Variants in PDE11A observed in about 807,000 individuals in gnomAD.
PDE11A encodes the protein phosphodiesterase 11A.
In PDE11A, 100 loss-of-function variants were observed where a neutral mutation model predicts 100.5. The ratio of observed to expected loss-of-function variants is 1.00; its 90% CI spans 0.85 to 1.18. The LOEUF (loss-of-function observed/expected upper bound fraction) is 1.18, where lower values mean the gene tolerates loss of function less well. Among genes scored for constraint, PDE11A ranks in the 50% most tolerant of loss-of-function variants. The pLI is 0.00. For missense variants in PDE11A, 1,141 were observed against 1,152.6 expected (o/e 0.99, Z 0.15); for synonymous variants, 381 against 420.8 (o/e 0.91, Z 1.16).
At chr2:177,887,450 G>T (rs551537568) in intron 4 of PDE11A, among the ~76,000 whole-genome samples, 1 of 49,962 alleles carries the variant, frequency 2.0e-5, no homozygotes, top group Non-Finnish European at 4.0e-5. Flanking sequence ...TGGACAAGCC[G>T]TTAAAAAAGA....
intron 12 of PDE11A, among the ~76,000 whole-genome samples, chr2:177,717,788 A>T (rs1234209710): frequency 1.3e-5 from 2 of 152,204 alleles, no homozygotes; most frequent in East Asian, 3.8e-4. Flanking sequence ...CTAGAACTCC[A>T]AAAGACCCAA....
At chr2:177,809,582 CCTTTCAT>C (rs1008421669) in intron 9 of PDE11A, among the ~76,000 whole-genome samples, 40 of 141,342 alleles carry the variant, frequency 2.8e-4, no homozygotes, top group African/African-American at 8.8e-4. Context: ...AAGACTTTGC[CCTTTCAT>C]CCTACCTCCC....
intron 1 of PDE11A, among the ~76,000 whole-genome samples, chr2:178,043,112 T>C (rs1157699728): frequency 1.3e-5 from 2 of 152,208 alleles, no homozygotes; most frequent in African/African-American, 2.4e-5. Context: ...CAGTCTTATA[T>C]ACTATTATAT....
intron 2 of PDE11A, among the ~76,000 whole-genome samples, chr2:177,979,799 A>G (rs961109673): frequency 4.7e-5 from 7 of 148,964 alleles, no homozygotes; most frequent in Admixed American, 2.0e-4. Context: ...TTTAGTAGAG[A>G]CGGGGTTTCA....
intron 2 of PDE11A, among the ~76,000 whole-genome samples, chr2:177,946,102 G>C (rs1402146173): frequency 1.0e-5 from 1 of 99,030 alleles, no homozygotes; most frequent in African/African-American, 4.4e-5. Flanking sequence ...GATGGAGGTG[G>C]GGGGGGGTCA....
chr2:177,943,261 G>A (rs763490335), intron 2 of PDE11A, among the ~76,000 whole-genome samples: 24 of 152,084 alleles, frequency 1.6e-4, no homozygotes, highest in Non-Finnish European at 2.4e-4. Context: ...TGGATTATAC[G>A]GTAGTTCTAC....
intron 19 of PDE11A, among the ~76,000 whole-genome samples, chr2:177,653,821 T>G (rs1375645317): frequency 6.6e-6 from 1 of 152,194 alleles, no homozygotes; most frequent in East Asian, 1.9e-4. Context: ...AGCCACCCAG[T>G]TTGCTGTACT....
intron 5 of PDE11A, among the ~76,000 whole-genome samples, chr2:177,859,757 A>AT (rs1052916033): frequency 1.3e-4 from 20 of 151,976 alleles, no homozygotes; most frequent in Non-Finnish European, 2.4e-4. Flanking sequence ...GGCTCATATG[A>AT]TAAAAAAAAA....
chr2:177,850,249 A>T (rs1238924981), intron 5 of PDE11A, among the ~76,000 whole-genome samples: 1 of 152,202 alleles, frequency 6.6e-6, no homozygotes, highest in East Asian at 1.9e-4. Context: ...CAACTATCTG[A>T]TCTTTGACAA....
At chr2:177,639,115 C>T (rs544555843) in intron 19 of PDE11A, among the ~76,000 whole-genome samples, 7 of 152,326 alleles carry the variant, frequency 4.6e-5, no homozygotes, top group Admixed American at 2.6e-4. Flanking sequence ...CTGCCTGTGC[C>T]GTGGCCTAGA....
rs34383497 is a variant in PDE11A, at chr2:177,877,170, C to CT, written c.1303-1248dup. On this transcript the variant is annotated intron_variant, in intron 4 of 19. Transcript: ENST00000286063. Reference sequence around the variant, plus strand: ...GAACTTCACTGCAAACAAAGGTTATCTTTTTTTTTTTTTGGACAGGTTCTC... The same window carrying CT: ...GAACTTCACTGCAAACAAAGGTTATCTTTTTTTTTTTTTTGGACAGGTTCTC... Among the ~76,000 whole-genome samples the CT allele has an allele frequency of 2.0e-3, 274 of 138,378 alleles. 13 individuals are homozygous for CT. The highest frequency in any genetic ancestry group is 3.5e-3 in the African/African-American group (124 of 35,852). The allele number at this position is 138,378 out of a possible 152,430, so 90.8% of individuals were successfully genotyped here.
intron 2 of PDE11A, among the ~76,000 whole-genome samples, chr2:177,947,496 C>T (rs1169541523): frequency 6.6e-6 from 1 of 152,192 alleles, no homozygotes; most frequent in Non-Finnish European, 1.5e-5. Context: ...GAAACATGTG[C>T]TGTGTCCACT....
chr2:177,969,638 G>C (rs1030502840), intron 2 of PDE11A, among the ~76,000 whole-genome samples: 10 of 151,462 alleles, frequency 6.6e-5, no homozygotes, highest in Non-Finnish European at 1.0e-4. Context: ...AAGTAAGTAA[G>C]CCTCTCCCTA....
chr2:177,681,294 G>C (rs1387038266), intron 15 of PDE11A, among the ~76,000 whole-genome samples: 1 of 152,178 alleles, frequency 6.6e-6, no homozygotes, highest in African/African-American at 2.4e-5. Flanking sequence ...ACAAAGAATT[G>C]AGCTGCATGA....
intron 10 of PDE11A, among the ~76,000 whole-genome samples, chr2:177,758,144 A>AC (rs1160476545): frequency 7.9e-5 from 12 of 151,572 alleles, no homozygotes; most frequent in Non-Finnish European, 1.6e-4. Context: ...AAAAAAAAAA[A>AC]AAATTAGCCA....
intron 9 of PDE11A, among the ~76,000 whole-genome samples, chr2:177,789,271 G>C (rs2082591493): frequency 6.6e-6 from 1 of 152,044 alleles, no homozygotes; most frequent in African/African-American, 2.4e-5. Context: ...CATATAAACA[G>C]AACCAAAGAC....
At chr2:177,736,662 C>T (rs1018429133) in intron 10 of PDE11A, among the ~76,000 whole-genome samples, 2 of 152,140 alleles carry the variant, frequency 1.3e-5, no homozygotes, top group East Asian at 3.9e-4. Context: ...AGTGGATGCA[C>T]CTAGCAAAGG....
chr2:177,861,765 A>G (rs1293803394), intron 5 of PDE11A, among the ~76,000 whole-genome samples: 1 of 151,910 alleles, frequency 6.6e-6, no homozygotes. Context: ...ATAAACCTAT[A>G]TATCTATGGT....
intron 14 of PDE11A, among the ~76,000 whole-genome samples, chr2:177,698,766 C>T (rs1258204321): frequency 3.9e-5 from 6 of 152,046 alleles, no homozygotes; most frequent in African/African-American, 1.2e-4. Context: ...CTCTTCAGAC[C>T]CTTAATTCAG....
Sources: gnomAD v4.1 joint callset for allele counts (sites outside exome capture counted in the v4.1 genomes callset) on GRCh38, gnomAD v4.1.1 for gene constraint, MANE v1.5 for transcripts, NCBI Gene and HGNC (gene_info 2026-07-23, HGNC 2026-07-21) for gene names.